HECW1: variants seen among roughly 807,000 people sequenced by gnomAD.
The protein encoded by HECW1 is E3 ubiquitin-protein ligase HECW1.
HECW1 carries 61 observed loss-of-function variants against 182.3 expected under a neutral mutation model. The observed-to-expected ratio is 0.33, with a 90% CI of 0.27 to 0.41. The LOEUF (loss-of-function observed/expected upper bound fraction) is 0.41, where lower values mean the gene tolerates loss of function less well. HECW1 is among the 10% of genes least tolerant of loss of function. HECW1 has a pLI of 1.00. For synonymous variants in HECW1, 859 were observed against 832.6 expected (o/e 1.03, Z -0.55); for missense variants, 1,739 against 2,108.9 (o/e 0.82, Z 3.44).
intron 2 of HECW1, among the ~76,000 whole-genome samples, chr7:43,184,955 C>A (rs2152679127): frequency 6.6e-6 from 1 of 152,222 alleles, no homozygotes; most frequent in African/African-American, 2.4e-5. Context: ...AATTCACTCA[C>A]TATACAGTAC....
At chr7:43,296,948 C>T (rs898053390) in intron 3 of HECW1, among the ~76,000 whole-genome samples, 4 of 152,210 alleles carry the variant, frequency 2.6e-5, no homozygotes, top group African/African-American at 9.7e-5. Context: ...TTTGTGACAA[C>T]CACCAATTAG....
chr7:43,488,465 A>AAAG (rs1491368700), intron 17 of HECW1, among the ~76,000 whole-genome samples: 1 of 147,792 alleles, frequency 6.8e-6, no homozygotes, highest in African/African-American at 2.5e-5. Context: ...AGAAAGAAAG[A>AAAG]AAGAAAGAAA....
At chr7:43,223,464 A>G (rs890384295) in intron 2 of HECW1, among the ~76,000 whole-genome samples, 5 of 152,100 alleles carry the variant, frequency 3.3e-5, no homozygotes, top group Non-Finnish European at 7.4e-5. Flanking sequence ...CTAAAAATAC[A>G]AAAAATTAGC....
chr7:43,332,407 G>T (rs919612938), intron 5 of HECW1, among the ~76,000 whole-genome samples: 3 of 152,100 alleles, frequency 2.0e-5, no homozygotes. Flanking sequence ...CCAGGCATGC[G>T]CACAGGCCAC....
chr7:43,244,098 C>G (rs1799139906), intron 3 of HECW1, among the ~76,000 whole-genome samples, 166 bp downstream of exon 3: 1 of 152,136 alleles, frequency 6.6e-6, no homozygotes, highest in South Asian at 2.1e-4. Context: ...CCCTCCCCAC[C>G]ACCTGCATCC....
At chr7:43,216,156 G>GT (rs1204548417) in intron 2 of HECW1, among the ~76,000 whole-genome samples, 1 of 151,842 alleles carries the variant, frequency 6.6e-6, no homozygotes, top group Admixed American at 6.6e-5. Flanking sequence ...TTTTGTTTTT[G>GT]TTTTTTTGAG....
At chr7:43,378,313 G>C (rs1262661268) in intron 6 of HECW1, among the ~76,000 whole-genome samples, 2 of 152,220 alleles carry the variant, frequency 1.3e-5, no homozygotes, top group African/African-American at 4.8e-5. Context: ...AGTGACTACT[G>C]GATGAGGAGA....
chr7:43,181,891 CAT>C (rs1490174838), intron 2 of HECW1, among the ~76,000 whole-genome samples: 1 of 150,642 alleles, frequency 6.6e-6, no homozygotes, highest in African/African-American at 2.5e-5. Flanking sequence ...GGGTTCATGC[CAT>C]TCTCGTGCCT....
chr7:43,375,371 G>A lies in HECW1; in HGVS notation c.555+14391G>A, dbSNP rs577964902. Among the ~76,000 whole-genome samples the A allele has an allele frequency of 5.3e-5, 8 of 152,190 alleles. No individual in the cohort carries two copies. In the South Asian group the frequency reaches 1.2e-3, roughly 24 times the overall value. ...GCCAAATACAGACATTCTCAAGCACGTAAAAATAGAGAAATTGCCCACATG... is the reference window on the plus strand; with the variant it reads ...GCCAAATACAGACATTCTCAAGCACATAAAAATAGAGAAATTGCCCACATG... On this transcript the variant is annotated intron_variant, in intron 6 of 29. Transcript: ENST00000395891.
intron 3 of HECW1, among the ~76,000 whole-genome samples, chr7:43,280,456 C>G (rs1803746717): frequency 6.6e-6 from 1 of 152,172 alleles, no homozygotes; most frequent in Non-Finnish European, 1.5e-5. Context: ...AGAATGACAA[C>G]TAGAACCTAA....
At chr7:43,551,616 A>G (rs2081831212) in intron 27 of HECW1, among the ~76,000 whole-genome samples, 1 of 152,232 alleles carries the variant, frequency 6.6e-6, no homozygotes, top group South Asian at 2.1e-4. Flanking sequence ...AAGTCGAGTC[A>G]GATTTGTTTA....
chr7:43,503,029 C>G (rs2079429716), intron 21 of HECW1, among the ~76,000 whole-genome samples: 2 of 152,168 alleles, frequency 1.3e-5, no homozygotes, highest in Admixed American at 1.3e-4. Flanking sequence ...AGTCTGGTTC[C>G]TCCAAGTTGT....
chr7:43,125,573 G>A (rs1298428166), intron 2 of HECW1, among the ~76,000 whole-genome samples: 1 of 151,566 alleles, frequency 6.6e-6, no homozygotes, highest in East Asian at 1.9e-4. Context: ...TGGCCAATAT[G>A]GTGAAACCTC....
intron 5 of HECW1, among the ~76,000 whole-genome samples, chr7:43,343,456 C>T (rs1813286184): frequency 6.6e-6 from 1 of 151,600 alleles, no homozygotes; most frequent in African/African-American, 2.4e-5. Context: ...GTGATATTCC[C>T]TGCCCTGTGT....
At chr7:43,349,910 T>C (rs2152805443) in intron 5 of HECW1, among the ~76,000 whole-genome samples, 1 of 152,260 alleles carries the variant, frequency 6.6e-6, no homozygotes, top group Middle Eastern at 3.4e-3. Flanking sequence ...CCTGTGTACT[T>C]TGTTTTTGTT....
chr7:43,274,925 T>A (rs1374483105), intron 3 of HECW1, among the ~76,000 whole-genome samples: 1 of 152,150 alleles, frequency 6.6e-6, no homozygotes, highest in Non-Finnish European at 1.5e-5. Context: ...AATTAAAAAC[T>A]ATACAACTCA....
intron 3 of HECW1, among the ~76,000 whole-genome samples, chr7:43,254,422 T>G (rs1431179428): frequency 1.3e-5 from 2 of 152,240 alleles, no homozygotes; most frequent in Non-Finnish European, 2.9e-5. Flanking sequence ...GGTAATTAAT[T>G]TTATGAAATA....
intron 2 of HECW1, chr7:43,148,675 A>G (rs1283599483): frequency 2.6e-5 from 4 of 152,022 alleles, no homozygotes; most frequent in African/African-American, 4.8e-5. Context: ...AGAAGAGTGC[A>G]TTGGGAGTCA....
intron 2 of HECW1, among the ~76,000 whole-genome samples, chr7:43,172,355 T>G (rs1220283245): frequency 1.3e-5 from 2 of 151,214 alleles, no homozygotes; most frequent in African/African-American, 2.4e-5. Flanking sequence ...ATGGAAAAAA[T>G]AGAAAAAAAT....
Sources: allele counts gnomAD v4.1 joint callset (sites outside exome capture counted in the v4.1 genomes callset), GRCh38; gene constraint gnomAD v4.1.1; transcripts MANE v1.5; gene names NCBI Gene and HGNC (gene_info 2026-07-23, HGNC 2026-07-21).